Variants in MRAP2 observed in about 807,000 individuals in gnomAD.
MRAP2 encodes the protein melanocortin-2 receptor accessory protein 2.
MRAP2 carries 20 observed loss-of-function variants against 17.4 expected under a neutral mutation model. The observed-to-expected ratio is 1.15, with a 90% CI of 0.81 to 1.67. MRAP2 has a LOEUF of 1.67. Ranked by LOEUF, MRAP2 falls within the 40% of genes most tolerant of loss-of-function variation. MRAP2 has a pLI of 0.00. For synonymous variants in MRAP2, 96 were observed against 88.4 expected (o/e 1.09, Z -0.48); for missense variants, 238 against 240.0 (o/e 0.99, Z 0.05).
the MRAP2 span, among the ~76,000 whole-genome samples, chr6:84,109,713 TCTA>T: frequency 6.6e-6 from 1 of 152,158 alleles, no homozygotes; most frequent in Non-Finnish European, 1.5e-5. Flanking sequence ...CAACCCGTCA[TCTA>T]CATTAGCTAT....
At chr6:84,041,366 C>G (rs183509381) in intron 1 of MRAP2, among the ~76,000 whole-genome samples, 2 of 152,194 alleles carry the variant, frequency 1.3e-5, no homozygotes, top group Non-Finnish European at 2.9e-5. Flanking sequence ...GTTAGGGCAA[C>G]GCAGAAAGGG....
chr6:84,103,981 A>G, the MRAP2 span, among the ~76,000 whole-genome samples: 1 of 152,188 alleles, frequency 6.6e-6, no homozygotes, highest in Non-Finnish European at 1.5e-5. Context: ...TTTACAACTC[A>G]TTTTATTCTA....
intron 3 of MRAP2, among the ~76,000 whole-genome samples, chr6:84,080,384 A>T (rs1300093217): frequency 1.3e-5 from 2 of 152,140 alleles, no homozygotes; most frequent in African/African-American, 4.8e-5. Flanking sequence ...GACAACTTTC[A>T]CATTTCCCTC....
the MRAP2 span, among the ~76,000 whole-genome samples, chr6:84,104,640 G>T: frequency 2.6e-5 from 4 of 152,174 alleles, no homozygotes; most frequent in South Asian, 8.3e-4. Flanking sequence ...AGGCCAAGGT[G>T]GGTGGATCAC....
At chr6:84,056,239 T>C (rs189321850) in intron 2 of MRAP2, among the ~76,000 whole-genome samples, 1 of 152,344 alleles carries the variant, frequency 6.6e-6, no homozygotes, top group East Asian at 1.9e-4. Context: ...TCCAGGTTAG[T>C]GGGACACATT....
intron 1 of MRAP2, among the ~76,000 whole-genome samples, chr6:84,040,486 G>A (rs1020450368): frequency 3.9e-5 from 6 of 152,212 alleles, no homozygotes; most frequent in African/African-American, 1.4e-4. Context: ...AGGCTCAGAA[G>A]AAGACAGGAA....
intron 3 of MRAP2, among the ~76,000 whole-genome samples, chr6:84,076,570 G>A (rs556045987): frequency 1.9e-4 from 29 of 152,142 alleles, no homozygotes; most frequent in African/African-American, 6.5e-4. Context: ...ACGTTGCCCA[G>A]GCTGGTCCCA....
chr6:84,123,797 T>TGGG, the MRAP2 span, among the ~76,000 whole-genome samples: 459 of 152,138 alleles, frequency 3.0e-3, 3 homozygotes, highest in African/African-American at 9.9e-3. Context: ...ACCTACATAA[T>TGGG]GGAAAATATA....
chr6:84,118,583 T>C, the MRAP2 span, among the ~76,000 whole-genome samples: 1 of 152,190 alleles, frequency 6.6e-6, no homozygotes. Context: ...GTTTGGACTT[T>C]CTAAAGCCTG....
the MRAP2 span, among the ~76,000 whole-genome samples, chr6:84,133,160 A>T: frequency 6.6e-6 from 1 of 152,178 alleles, no homozygotes; most frequent in Admixed American, 6.5e-5. Context: ...TCACCAGCAG[A>T]GGCTGCAGAA....
At chr6:84,107,386 T>G in the MRAP2 span, among the ~76,000 whole-genome samples, 1 of 152,172 alleles carries the variant, frequency 6.6e-6, no homozygotes, top group Non-Finnish European at 1.5e-5. Flanking sequence ...CCCCTAGAAA[T>G]TTCAGTGAGG....
intron 1 of MRAP2, among the ~76,000 whole-genome samples, chr6:84,051,200 CTA>C (rs2099490325): frequency 6.6e-6 from 1 of 152,220 alleles, no homozygotes; most frequent in Non-Finnish European, 1.5e-5. Context: ...TTGAGAAGTT[CTA>C]TGTCTGAGTA....
At chr6:84,077,364 C>G (rs1402878205) in intron 3 of MRAP2, among the ~76,000 whole-genome samples, 2 of 152,172 alleles carry the variant, frequency 1.3e-5, no homozygotes, top group Admixed American at 6.5e-5. Context: ...AGCGAAGGCA[C>G]AGAGAGTGGC....
intron 3 of MRAP2, among the ~76,000 whole-genome samples, chr6:84,077,533 A>G (rs2099497922): frequency 6.6e-6 from 1 of 152,210 alleles, no homozygotes; most frequent in South Asian, 2.1e-4. Context: ...CCAATTCACA[A>G]GCATGATCTA....
chr6:84,053,171 A>G (rs1369693636), intron 1 of MRAP2, among the ~76,000 whole-genome samples: 1 of 152,086 alleles, frequency 6.6e-6, no homozygotes, highest in African/African-American at 2.4e-5. Context: ...TGCTGAATAG[A>G]CGACACCCTC....
At chr6:84,038,188 G>A (rs1002951591) in intron 1 of MRAP2, among the ~76,000 whole-genome samples, 1 of 152,256 alleles carries the variant, frequency 6.6e-6, no homozygotes, top group Non-Finnish European at 1.5e-5. Context: ...GGCAGCAGAA[G>A]TAGGAATGAG....
chr6:84,129,720 TG>T, the MRAP2 span, among the ~76,000 whole-genome samples: 1 of 152,112 alleles, frequency 6.6e-6, no homozygotes, highest in Non-Finnish European at 1.5e-5. Flanking sequence ...CTGCTTTTGG[TG>T]TTTTAGTCAT....
chr6:84,050,412 A>C (rs1357074779), intron 1 of MRAP2, among the ~76,000 whole-genome samples: 1 of 152,226 alleles, frequency 6.6e-6, no homozygotes, highest in Non-Finnish European at 1.5e-5. Context: ...AAGAAGATCC[A>C]GCTGGCTCAG....
chr6:84,037,414 G>A (rs1304999440), intron 1 of MRAP2, among the ~76,000 whole-genome samples: 1 of 152,236 alleles, frequency 6.6e-6, no homozygotes, highest in East Asian at 1.9e-4. Context: ...AGCTGGCTTT[G>A]CCTAGTGGAT....
Sources: allele counts gnomAD v4.1 joint callset (sites outside exome capture counted in the v4.1 genomes callset), GRCh38; gene constraint gnomAD v4.1.1; transcripts MANE v1.5; gene names NCBI Gene and HGNC (gene_info 2026-07-23, HGNC 2026-07-21).